The following IPMK variants were observed in gnomAD, a reference collection of about 807,000 sequenced individuals.
The protein encoded by IPMK is inositol polyphosphate multikinase, also known as inositol 1,3,4,6-tetrakisphosphate 5-kinase.
Under a neutral mutation model 45.8 loss-of-function variants are expected in IPMK, and 17 were observed. That is an observed-to-expected ratio of 0.37 (90% CI 0.25 to 0.56). The LOEUF (loss-of-function observed/expected upper bound fraction) is 0.56, where lower values mean the gene tolerates loss of function less well. Ranked by LOEUF, IPMK falls within the 20% of genes least tolerant of loss-of-function variation. The pLI is 0.79. For synonymous variants in IPMK, 180 were observed against 184.3 expected, an observed-to-expected ratio of 0.98 and a Z score of 0.19; for missense variants, 399 against 498.0, an observed-to-expected ratio of 0.80 and a Z score of 1.89.
chr10:58,192,569 T>C lies in IPMK; in HGVS notation c.*3507A>G, dbSNP rs1373318784. ...TTAGATGCCTATTTTTCTATATCTC[T>C]ATTTTAATTAAGTCCCCAATCCCAC... On this transcript the variant is annotated 3_prime_UTR_variant, in exon 6 of 6. Coordinates refer to ENST00000373935, the MANE Select transcript of IPMK (RefSeq NM_152230.5). 1 of 152,012 alleles carries C rather than the reference T, an allele frequency of 6.6e-6. No individual in the cohort carries two copies. Among genetic ancestry groups the C allele is most frequent in the East Asian group, 1.9e-4 (1 of 5,200 alleles). 9.4% of individuals were successfully genotyped at this position (152,012 alleles called of 1,614,324 possible).
rs200857328 is a variant in IPMK, at chr10:58,230,895, GT to G, written c.277-3757del. ...AAACTTCTCCGAGCTAAAGGAGGAT[GT>G]TCGAACCCATCGTAAGGAAGCTAAA... On this transcript the variant is annotated intron_variant, in intron 2 of 5. Coordinates refer to ENST00000373935, the MANE Select transcript of IPMK (RefSeq NM_152230.5). Among the ~76,000 whole-genome samples the G allele has an allele frequency of 9.7e-3, 1,483 of 152,270 alleles. 9 individuals carry two copies. Among genetic ancestry groups the G allele is most frequent in the Middle Eastern group, 0.024 (7 of 294 alleles).
chr10:58,235,947 A>G (rs1838605940), intron 2 of IPMK, among the ~76,000 whole-genome samples: 1 of 148,366 alleles, frequency 6.7e-6, no homozygotes, highest in Non-Finnish European at 1.5e-5. Context: ...TTTTTTTTTT[A>G]GAGAGAGTCT....
At position 58,193,862 on chromosome 10, in the gene IPMK, A is replaced by G. The variant is rs990670475; in HGVS notation, c.*2214T>C. Reference sequence around the variant, plus strand: ...TAAGATAGTCACATGTAGATTAGATAAACAGATACTTATTCTGTTATACCT... The same window carrying G: ...TAAGATAGTCACATGTAGATTAGATGAACAGATACTTATTCTGTTATACCT... On this transcript the variant is annotated 3_prime_UTR_variant, in exon 6 of 6. Coordinates refer to ENST00000373935, the MANE Select transcript of IPMK (RefSeq NM_152230.5). 4.0e-5 allele frequency: 6 copies of G among 151,870 alleles called. No homozygotes were observed. Among genetic ancestry groups the G allele is most frequent in the African/African-American group, 1.4e-4 (6 of 41,438 alleles). 9.4% of individuals were successfully genotyped at this position (151,870 alleles called of 1,614,324 possible).
Position 58,227,283 on chromosome 10 carries a change from T to A in IPMK, c.277-144A>T, listed in dbSNP as rs533471758. The A allele has an allele frequency of 3.1e-4, 185 of 593,372 alleles. No individual in the cohort carries two copies. In the Middle Eastern group the frequency reaches 7.0e-3, roughly 22 times the overall value. 36.8% of individuals were successfully genotyped at this position (593,372 alleles called of 1,614,324 possible). Reference sequence around the variant, plus strand: ...TAAATTTGGAACAAGCAAAAAATATTACTGTGTGTCTCCAATGAGTAACTA... The same window carrying A: ...TAAATTTGGAACAAGCAAAAAATATAACTGTGTGTCTCCAATGAGTAACTA... On this transcript the variant is annotated intron_variant, in intron 2 of 5. Coordinates refer to ENST00000373935, the MANE Select transcript of IPMK (RefSeq NM_152230.5).
chr10:58,229,674 C>T (rs1335537487), intron 2 of IPMK, among the ~76,000 whole-genome samples: 4 of 151,674 alleles, frequency 2.6e-5, no homozygotes, highest in Non-Finnish European at 5.9e-5. Context: ...ATCTATCCTT[C>T]CCAGGAACAA....
rs774909915 is a variant in IPMK, at chr10:58,196,493, C to T, written c.834G>A (p.Leu278=). ...LNDRTLAEKF[L]SKGQLSDTEV... is the part of the protein sequence containing the mutation. ...CTGTGTCTGACAGTTGTCCTTTGGACAAAAACTTTTCTGCCAAAGTTCTGT... is the reference window on the plus strand; with the variant it reads ...CTGTGTCTGACAGTTGTCCTTTGGATAAAAACTTTTCTGCCAAAGTTCTGT... The change falls in exon 6 of 6, where the codon TTG becomes TTA. Residue 278 remains leucine, a synonymous_variant. Transcript: ENST00000373935. The T allele has an allele frequency of 1.2e-6, 2 of 1,614,012 alleles. No individual in the cohort carries two copies. Among genetic ancestry groups the T allele is most frequent in the East Asian group, 2.2e-5 (1 of 44,862 alleles).
chr10:58,264,637 T>A (rs1215560217), intron 1 of IPMK, among the ~76,000 whole-genome samples: 2 of 152,196 alleles, frequency 1.3e-5, no homozygotes, highest in Non-Finnish European at 2.9e-5. Flanking sequence ...CAAGGTATGC[T>A]ATTATATACA....
chr10:58,234,716 GA>G (rs1397491374), intron 2 of IPMK, among the ~76,000 whole-genome samples: 40 of 152,094 alleles, frequency 2.6e-4, no homozygotes, highest in African/African-American at 9.4e-4. Context: ...AAAAACCCTA[GA>G]AGAAAACCTA....
intron 5 of IPMK, among the ~76,000 whole-genome samples, chr10:58,199,024 G>T (rs1837958586): frequency 6.6e-6 from 1 of 151,826 alleles, no homozygotes; most frequent in African/African-American, 2.4e-5. Flanking sequence ...AGAAATAAAT[G>T]AAAATGTAAC....
chr10:58,206,952 TC>T (rs1386989859), intron 4 of IPMK, among the ~76,000 whole-genome samples: 4 of 152,118 alleles, frequency 2.6e-5, no homozygotes, highest in African/African-American at 7.2e-5. Flanking sequence ...ACTATTTCAC[TC>T]CTTTTTATGG....
intron 1 of IPMK, among the ~76,000 whole-genome samples, chr10:58,240,794 C>A (rs2132167344): frequency 6.6e-6 from 1 of 152,152 alleles, no homozygotes; most frequent in Admixed American, 6.5e-5. Context: ...GTGTAGATTC[C>A]AGTGAGGGTA....
intron 1 of IPMK, among the ~76,000 whole-genome samples, chr10:58,251,163 T>C (rs886619178): frequency 6.6e-6 from 1 of 152,234 alleles, no homozygotes; most frequent in African/African-American, 2.4e-5. Context: ...GAACTGCTTT[T>C]CTTGCATCCC....
At chr10:58,216,379 C>T (rs1288289538) in intron 3 of IPMK, 62 bp from the exon 4 acceptor site, 3 of 686,998 alleles carry the variant, frequency 4.4e-6, no homozygotes, top group Admixed American at 7.9e-5. Context: ...AAGTACTTGC[C>T]AGGGAAAAAC....
intron 1 of IPMK, among the ~76,000 whole-genome samples, chr10:58,249,839 T>C (rs558011575): frequency 1.2e-3 from 177 of 152,312 alleles, no homozygotes; most frequent in African/African-American, 3.8e-3. Context: ...TCCAATCCAA[T>C]CAAATACATA....
intron 1 of IPMK, among the ~76,000 whole-genome samples, chr10:58,261,685 T>G (rs908755784): frequency 6.6e-6 from 1 of 151,910 alleles, no homozygotes; most frequent in African/African-American, 2.4e-5. Context: ...CAGGTTCATG[T>G]GATTCTCCTG....
At chr10:58,261,025 G>A (rs1368465948) in intron 1 of IPMK, among the ~76,000 whole-genome samples, 7 of 150,910 alleles carry the variant, frequency 4.6e-5, no homozygotes, top group Non-Finnish European at 1.5e-5. Context: ...AATCAAGATC[G>A]TGAAGTAGGA....
At chr10:58,202,347 A>T (rs901425151) in intron 4 of IPMK, among the ~76,000 whole-genome samples, 2 of 152,186 alleles carry the variant, frequency 1.3e-5, no homozygotes, top group African/African-American at 4.8e-5. Flanking sequence ...AGTTGAAGCC[A>T]ATACTCACTC....
chr10:58,252,184 A>C (rs1838890137), intron 1 of IPMK, among the ~76,000 whole-genome samples: 1 of 152,222 alleles, frequency 6.6e-6, no homozygotes, highest in Non-Finnish European at 1.5e-5. Flanking sequence ...CTTATAAAAA[A>C]CATCTTGTAG....
rs560813021 is a variant in IPMK at position 58,259,671 on chromosome 10, T to TAAAAA, written c.190+7746_190+7750dup. On this transcript the variant is annotated intron_variant, in intron 1 of 5. Coordinates refer to ENST00000373935, the MANE Select transcript of IPMK (RefSeq NM_152230.5). Reference sequence around the variant, plus strand: ...AGCATGGTAAAATCCCATCTCTACATAAAAAAAAAAAAAAAACAATTAGCC... The same window carrying TAAAAA: ...AGCATGGTAAAATCCCATCTCTACATAAAAAAAAAAAAAAAAAAAAACAATTAGCC... 4.3e-4 allele frequency among the ~76,000 whole-genome samples: 37 copies of TAAAAA among 86,714 alleles called. 1 individual carries two copies. Among genetic ancestry groups the TAAAAA allele is most frequent in the East Asian group, 1.4e-3 (3 of 2,198 alleles). 56.9% of individuals were successfully genotyped at this position (86,714 alleles called of 152,430 possible).
Sources: gnomAD v4.1 joint callset for allele counts (sites outside exome capture counted in the v4.1 genomes callset) on GRCh38, gnomAD v4.1.1 for gene constraint, MANE v1.5 for transcripts, NCBI Gene and HGNC (gene_info 2026-07-23, HGNC 2026-07-21) for gene names.